The following MKI67 variants were observed in gnomAD, a reference collection of about 807,000 sequenced individuals.
MKI67 encodes proliferation marker protein Ki-67.
A neutral mutation model predicts 233.5 loss-of-function variants in MKI67; 152 were observed. The ratio of observed to expected loss-of-function variants is 0.65; its 90% CI spans 0.57 to 0.74. The LOEUF (loss-of-function observed/expected upper bound fraction) is 0.74, where lower values mean the gene tolerates loss of function less well. Ranked by LOEUF, MKI67 falls within the 30% of genes least tolerant of loss-of-function variation. The probability of loss-of-function intolerance (pLI) is 0.00; values close to 1 mark genes in which losing one functional copy is unlikely to be tolerated. For missense variants in MKI67, 3,940 were observed against 3,885.2 expected, an observed-to-expected ratio of 1.01 and a Z score of -0.37; for synonymous variants, 1,465 against 1,418.5, an observed-to-expected ratio of 1.03 and a Z score of -0.74.
rs1431131023 is a variant in MKI67, at chr10:128,125,230, G to C, written c.92+346C>G. Among the ~76,000 whole-genome samples, 2 of 152,176 alleles carry C rather than the reference G, an allele frequency of 1.3e-5. No individual in the cohort carries two copies. Among genetic ancestry groups the C allele is most frequent in the Non-Finnish European group, 2.9e-5 (2 of 68,036 alleles). On this transcript the variant is annotated intron_variant, in intron 2 of 14. Transcript: ENST00000368654. This position sits in a 1 kb window ranked among gnomAD's most constrained non-coding sequence, Gnocchi z 5.3. ...TCATTCTCTGTGTCCCCAGTGGCCA[G>C]GGATGCCCACTGTGGAGGCACCCGG...
chr10:128,103,435 C>G lies in MKI67; in HGVS notation c.8405G>C (p.Gly2802Ala). Residue 2802 changes from glycine (G) to alanine (A), a missense_variant, in exon 13 of 15, where the codon GGC becomes GCC. Transcript: ENST00000368654. ...GTGACCTGCTGCTGGGTCTTTGAAGCCAGCTAGGTCTTCTATGGCTTGGGC... is the reference window on the plus strand; with the variant it reads ...GTGACCTGCTGCTGGGTCTTTGAAGGCAGCTAGGTCTTCTATGGCTTGGGC... ...ESAQAIEDLA[G>A]FKDPAAGHTE... 4 of 1,613,760 alleles carry G rather than the reference C, an allele frequency of 2.5e-6. No individual in the cohort carries two copies. The highest frequency in any genetic ancestry group is 3.4e-6 in the Non-Finnish European group (4 of 1,179,926).
chr10:128,100,965 G>C (rs1201952347), intron 14 of MKI67, among the ~76,000 whole-genome samples: 1 of 152,186 alleles, frequency 6.6e-6, no homozygotes, highest in African/African-American at 2.4e-5. Flanking sequence ...TGTATCATGA[G>C]GTACATCATA....
rs138336575 is a variant in MKI67, at chr10:128,104,057, C to G, written c.7783G>C (p.Asp2595His). The change falls in exon 13 of 15, where the codon GAC becomes CAC. Residue 2595 changes from aspartate (D) to histidine (H), a missense_variant. Asp to His is a moderately conservative substitution (Grantham distance 81). Coordinates refer to ENST00000368654, the MANE Select transcript of MKI67 (RefSeq NM_002417.5). ...PCKSPPPELT[D>H]TATSTKRCPK... The stretch of plus-strand genomic sequence containing the variant: ...CATCTCTTTGTGCTCGTGGCAGTGT[C>G]TGTTAGTTCTGGTGGGGGAGATTTG... The G allele has an allele frequency of 6.2e-7, 1 of 1,613,934 alleles. No homozygotes were observed. The highest frequency in any genetic ancestry group is 8.5e-7 in the Non-Finnish European group (1 of 1,180,018).
chr10:128,111,434 A>T, intron 11 of MKI67: 1 of 512,776 alleles, frequency 2.0e-6, no homozygotes, highest in South Asian at 3.3e-5. Flanking sequence ...TATTTCATGC[A>T]GGACATGTGA....
In MKI67 at chr10:128,109,346, G is replaced by A. The variant is rs34916904; in HGVS notation, c.2494C>T (p.Arg832Trp). The A allele has an allele frequency of 0.033, 52,829 of 1,614,034 alleles. 975 individuals are homozygous for A. Among genetic ancestry groups the A allele is most frequent in the Non-Finnish European group, 0.038 (45,422 of 1,179,954 alleles). Reference protein sequence around the residue: ...DKCSASPPLRRQCIRENGNVA... With the variant: ...DKCSASPPLRWQCIRENGNVA... ...TTTCCATTTTCTCTAATACACTGCC[G>A]TCTTAAGGGAGGGCTTGCAGAGCAT... Residue 832 changes from arginine (R) to tryptophan (W), a missense_variant, in exon 13 of 15, where the codon CGG becomes TGG. Transcript: ENST00000368654.
intron 14 of MKI67, among the ~76,000 whole-genome samples, chr10:128,099,803 C>T (rs547541880): frequency 6.6e-6 from 1 of 152,244 alleles, no homozygotes; most frequent in Non-Finnish European, 1.5e-5. Flanking sequence ...CTAGGACTAC[C>T]GACACCCACC....
chr10:128,121,230 A>G (rs1852929099), intron 4 of MKI67, among the ~76,000 whole-genome samples: 1 of 151,440 alleles, frequency 6.6e-6, no homozygotes, highest in Admixed American at 6.6e-5. Flanking sequence ...AAATCAATCA[A>G]TCAATCCTCA....
At chr10:128,109,510 CTAAA>C in intron 12 of MKI67, 87 bp from the exon 13 acceptor site, 2 of 1,428,854 alleles carry the variant, frequency 1.4e-6, no homozygotes, top group Non-Finnish European at 9.4e-7. Context: ...TGGTAAAAAA[CTAAA>C]TATTTAGCTT....
In MKI67 at chr10:128,107,155, A is replaced by G; in HGVS notation, c.4685T>C (p.Leu1562Pro). 6.2e-7 allele frequency: 1 copy of G among 1,613,342 alleles called. No homozygotes were observed. Among genetic ancestry groups the G allele is most frequent in the Non-Finnish European group, 8.5e-7 (1 of 1,179,936 alleles). The stretch of plus-strand genomic sequence containing the variant: ...GCCAGTTAAGTTCTCTGTCAGGTCC[A>G]GTTTCTGCACTGGAGTTCCCATAAA... ...YAFMGTPVQK[L>P]DLTENLTGSK... The change falls in exon 13 of 15, where the codon CTG becomes CCG. Residue 1562 changes from leucine (L) to proline (P), a missense_variant. Transcript: ENST00000368654.
At chr10:128,112,087 C>A (rs779584024) in intron 9 of MKI67, 42 bp from the exon 10 acceptor site, 2 of 1,605,170 alleles carry the variant, frequency 1.2e-6, no homozygotes, top group Non-Finnish European at 1.7e-6. Flanking sequence ...AATTAGCATT[C>A]ATGAAAAAAT....
rs987019984 is a variant in MKI67, at chr10:128,097,418, T to C, written c.*1772A>G. On this transcript the variant is annotated 3_prime_UTR_variant, in exon 15 of 15. Transcript: ENST00000368654. ...CACCCTTAGCGTGCTCTTGAAATAC[T>C]GTACTTACCAGGGTGAGAAAAGGTG... The C allele has an allele frequency of 3.9e-5, 6 of 152,170 alleles. No individual in the cohort carries two copies. Among genetic ancestry groups the C allele is most frequent in the Non-Finnish European group, 5.9e-5 (4 of 68,030 alleles). 9.4% of individuals were successfully genotyped at this position (152,170 alleles called of 1,614,324 possible).
Position 128,109,280 on chromosome 10 carries a change from G to C in MKI67, c.2560C>G (p.Leu854Val), listed in dbSNP as rs2240. 0.18 allele frequency: 295,364 copies of C among 1,613,934 alleles called. 28,295 individuals are homozygous for C. Among genetic ancestry groups the C allele is most frequent in the African/African-American group, 0.31 (23,556 of 74,944 alleles). Reference protein sequence around the residue: ...TPRNTYKMTSLETKTSDTETE... With the variant: ...TPRNTYKMTSVETKTSDTETE... ...TCAGTATCTGAAGTTTTTGTCTCCA[G>C]AGAAGTCATTTTGTAGGTGTTCCTG... Residue 854 changes from leucine to valine, a missense_variant, in exon 13 of 15, where the codon CTG becomes GTG. Leu to Val is a conservative substitution (Grantham distance 32, BLOSUM62 1). Coordinates refer to ENST00000368654, the MANE Select transcript of MKI67 (RefSeq NM_002417.5).
chr10:128,104,855 C>T lies in MKI67; in HGVS notation c.6985G>A (p.Asp2329Asn). ...FKELFQTPGT[D>N]KPTTDEKTTK... ...GTTTTCTCATCAGTCGTGGGCTTGTCAGTGCCTGGTGTCTGGAAGAGCTCT... is the reference window on the plus strand; with the variant it reads ...GTTTTCTCATCAGTCGTGGGCTTGTTAGTGCCTGGTGTCTGGAAGAGCTCT... Residue 2329 changes from aspartate to asparagine, a missense_variant, in exon 13 of 15, where the codon GAC becomes AAC. By Grantham distance (23) the Asp-to-Asn change is conservative. Transcript: ENST00000368654. 1 of 1,609,412 alleles carries T rather than the reference C, an allele frequency of 6.2e-7. No individual in the cohort carries two copies. Among genetic ancestry groups the T allele is most frequent in the Non-Finnish European group, 8.5e-7 (1 of 1,178,932 alleles).
rs746219948 is a variant in MKI67 at position 128,110,494 on chromosome 10, G to A, written c.2300C>T (p.Pro767Leu). The part of the protein sequence containing the change: ...EMFKTPVKEQ[P>L]QLTSTCHIAI... The stretch of plus-strand genomic sequence containing the variant: ...GATGTGACATGTGCTTGTCAACTGC[G>A]GTTGCTCCTTCACTGGGGTCTTGAA... Residue 767 changes from proline to leucine, a missense_variant, in exon 12 of 15, where the codon CCG becomes CTG. Physicochemically the swap from Pro to Leu is moderately conservative, Grantham distance 98. Coordinates refer to ENST00000368654, the MANE Select transcript of MKI67 (RefSeq NM_002417.5). 16 of 1,570,734 alleles carry A rather than the reference G, an allele frequency of 1.0e-5. No individual in the cohort carries two copies. Among genetic ancestry groups the A allele is most frequent in the Middle Eastern group, 1.7e-4 (1 of 5,918 alleles).
intron 7 of MKI67, among the ~76,000 whole-genome samples, chr10:128,113,972 A>G (rs1852737804): frequency 6.6e-6 from 1 of 152,130 alleles, no homozygotes; most frequent in African/African-American, 2.4e-5. Context: ...CCACCCAGTG[A>G]CCAGAATGCA....
At chr10:128,114,449 AG>A (rs1431904716) in intron 7 of MKI67, among the ~76,000 whole-genome samples, 17 of 152,230 alleles carry the variant, frequency 1.1e-4, no homozygotes, top group African/African-American at 4.1e-4. Context: ...GGTACAGTCC[AG>A]TGTTTACAGC....
chr10:128,118,256 C>A (rs1852847338), intron 5 of MKI67, among the ~76,000 whole-genome samples: 1 of 152,006 alleles, frequency 6.6e-6, no homozygotes, highest in African/African-American at 2.4e-5. Flanking sequence ...ATTAGCCAGG[C>A]ATGGTGGTGT....
Position 128,112,263 on chromosome 10 carries a change from A to T in MKI67, c.1839T>A (p.Val613=). Residue 613 remains valine, a synonymous_variant, in exon 9 of 15, where the codon GTT becomes GTA. Transcript: ENST00000368654. The part of the protein sequence containing the change: ...PASSSKSQTE[V]PKRGGRKSGN... ...CACTCTTTCTCCCTCCTCTCTTAGG[A>T]ACCTCTGTCTGAGATTTGCTGCTGG... 6.2e-7 allele frequency: 1 copy of T among 1,614,198 alleles called. No individual in the cohort carries two copies. Among genetic ancestry groups the T allele is most frequent in the Non-Finnish European group, 8.5e-7 (1 of 1,180,042 alleles).
At chr10:128,114,149 A>T (rs576893485) in intron 7 of MKI67, among the ~76,000 whole-genome samples, 1 of 152,258 alleles carries the variant, frequency 6.6e-6, no homozygotes, top group African/African-American at 2.4e-5. Flanking sequence ...ACCTTATTTT[A>T]TCGACAGCCT....
Sources: gnomAD v4.1 joint callset for allele counts (sites outside exome capture counted in the v4.1 genomes callset) on GRCh38, gnomAD v4.1.1 for gene constraint, Gnocchi (gnomAD v3.1) non-coding constraint, MANE v1.5 for transcripts, NCBI Gene and HGNC (gene_info 2026-07-23, HGNC 2026-07-21) for gene names.